NLGN1: variants seen among roughly 807,000 people sequenced by gnomAD.
The protein encoded by NLGN1 is neuroligin 1.
NLGN1 carries 12 observed loss-of-function variants against 65.5 expected under a neutral mutation model. The observed-to-expected ratio is 0.18, with a 90% CI of 0.12 to 0.30. The LOEUF is 0.30. Ranked by LOEUF, NLGN1 falls within the 10% of genes least tolerant of loss-of-function variation. NLGN1 has a pLI of 1.00. For missense variants in NLGN1, 750 were observed against 1,007.1 expected (o/e 0.74, Z 3.46); for synonymous variants, 350 against 359.5 (o/e 0.97, Z 0.30).
intron 4 of NLGN1, among the ~76,000 whole-genome samples, chr3:174,251,322 C>A (rs569912592): frequency 4.8e-4 from 73 of 152,288 alleles, no homozygotes; most frequent in African/African-American, 1.6e-3. Context: ...AGCCTGTTTA[C>A]GTTCAAATCT....
At chr3:174,289,957 A>ATATATATATGTATGTATATATATGTG (rs1340096614), downstream of NLGN1, among the ~76,000 whole-genome samples, 432 of 41,544 alleles carry the variant, frequency 0.01, 5 homozygotes, top group African/African-American at 0.056. Flanking sequence ...ATATATGTGT[A>ATATATATATGTATGTATATATATGTG]TATATATATA....
chr3:173,905,079 C>T (rs1738119992), intron 4 of NLGN1, among the ~76,000 whole-genome samples: 1 of 152,120 alleles, frequency 6.6e-6, no homozygotes, highest in Admixed American at 6.6e-5. Flanking sequence ...ATTCTGGCTA[C>T]CCGCCTGATG....
intron 4 of NLGN1, among the ~76,000 whole-genome samples, chr3:173,895,119 G>C (rs1736115756): frequency 6.6e-6 from 1 of 152,046 alleles, no homozygotes; most frequent in South Asian, 2.1e-4. Context: ...TCTTGTAGTT[G>C]TACTACTGAG....
chr3:173,878,519 C>A (rs984859480), intron 4 of NLGN1, among the ~76,000 whole-genome samples: 2 of 151,646 alleles, frequency 1.3e-5, no homozygotes, highest in African/African-American at 4.8e-5. Context: ...GCTCGATTAT[C>A]TCAGAAAAAA....
intron 2 of NLGN1, among the ~76,000 whole-genome samples, chr3:173,578,289 A>G (rs533304447): frequency 6.6e-6 from 1 of 152,220 alleles, no homozygotes; most frequent in East Asian, 1.9e-4. Context: ...TTTATTTAAT[A>G]TTTTGGAAAT....
intron 4 of NLGN1, among the ~76,000 whole-genome samples, chr3:173,948,556 A>G (rs2152324212): frequency 6.6e-6 from 1 of 152,336 alleles, no homozygotes; most frequent in African/African-American, 2.4e-5. Flanking sequence ...TAGAAGTTTT[A>G]GGAGAAAGAT....
At chr3:173,798,340 T>G (rs1013817015) in intron 3 of NLGN1, among the ~76,000 whole-genome samples, 1 of 152,226 alleles carries the variant, frequency 6.6e-6, no homozygotes, top group East Asian at 1.9e-4. Flanking sequence ...AAATGTATAT[T>G]TTTTTGCAGT....
chr3:174,204,473 C>T (rs1375813178), intron 4 of NLGN1, among the ~76,000 whole-genome samples: 2 of 152,168 alleles, frequency 1.3e-5, no homozygotes, highest in Non-Finnish European at 2.9e-5. Context: ...AATGCATCCA[C>T]GGATGTTAAC....
intron 3 of NLGN1, among the ~76,000 whole-genome samples, chr3:173,753,101 A>G (rs1776540109): frequency 6.6e-6 from 1 of 152,106 alleles, no homozygotes. Context: ...TTTCGTCAGC[A>G]TGTGAACATG....
At chr3:174,229,418 C>A (rs1420813583) in intron 4 of NLGN1, among the ~76,000 whole-genome samples, 1 of 152,072 alleles carries the variant, frequency 6.6e-6, no homozygotes, top group East Asian at 1.9e-4. Context: ...CTTTCCGCAT[C>A]TCCATAAACA....
chr3:173,973,952 T>G (rs1295360422), intron 4 of NLGN1, among the ~76,000 whole-genome samples: 1 of 152,040 alleles, frequency 6.6e-6, no homozygotes, highest in Non-Finnish European at 1.5e-5. Context: ...CTATTCTAAT[T>G]GCTTTGATGC....
intron 2 of NLGN1, among the ~76,000 whole-genome samples, chr3:173,551,277 C>G (rs1412306459): frequency 6.6e-6 from 1 of 152,070 alleles, no homozygotes; most frequent in African/African-American, 2.4e-5. Context: ...TAAAGGTCAT[C>G]ATATTTTAGA....
chr3:173,923,751 T>C (rs1742495839), intron 4 of NLGN1, among the ~76,000 whole-genome samples: 1 of 152,160 alleles, frequency 6.6e-6, no homozygotes, highest in Admixed American at 6.6e-5. Flanking sequence ...AAAGAATGGC[T>C]GAGTAAAAAC....
intron 4 of NLGN1, among the ~76,000 whole-genome samples, chr3:173,913,587 C>T (rs912365103): frequency 2.0e-5 from 3 of 152,148 alleles, no homozygotes; most frequent in African/African-American, 7.2e-5. Context: ...TGAATGCTGA[C>T]ATGCTTTCCT....
chr3:174,279,517 G>A lies in NLGN1; in HGVS notation c.1516G>A (p.Gly506Arg). The change falls in exon 6 of 7, where the codon GGA (glycine) becomes AGA (arginine). Residue 506 changes from glycine (G) to arginine (R), a missense_variant. Transcript: ENST00000457714. The surrounding 1 kb of genome is among the most constrained non-coding windows in gnomAD (Gnocchi z 4.7). ...TCCAGCTTGGGCTGATGCAGCCCACGGAGACGAGGTTCCCTATGTACTGGG... is the reference window on the plus strand; with the variant it reads ...TCCAGCTTGGGCTGATGCAGCCCACAGAGACGAGGTTCCCTATGTACTGGG... 2 of 1,613,086 alleles carry A rather than the reference G, an allele frequency of 1.2e-6. No individual in the cohort carries two copies. Among genetic ancestry groups the A allele is most frequent in the Non-Finnish European group, 1.7e-6 (2 of 1,179,514 alleles).
intron 4 of NLGN1, among the ~76,000 whole-genome samples, chr3:173,880,157 T>C (rs911997681): frequency 9.2e-4 from 140 of 152,276 alleles, no homozygotes; most frequent in African/African-American, 3.2e-3. Flanking sequence ...TAAAGTGAGC[T>C]ACAGAAGTTT....
intron 4 of NLGN1, among the ~76,000 whole-genome samples, chr3:174,101,998 G>C (rs1315047188): frequency 2.6e-5 from 4 of 152,166 alleles, no homozygotes; most frequent in Admixed American, 2.6e-4. Flanking sequence ...TAGTACTTCA[G>C]ACAGAGGGCA....
chr3:173,931,912 G>A (rs2152287483), intron 4 of NLGN1, among the ~76,000 whole-genome samples: 1 of 152,236 alleles, frequency 6.6e-6, no homozygotes, highest in East Asian at 1.9e-4. Context: ...GGAAGGTACA[G>A]CCAAAATAAT....
chr3:173,762,241 C>T (rs1336538897), intron 3 of NLGN1, among the ~76,000 whole-genome samples: 2 of 152,016 alleles, frequency 1.3e-5, no homozygotes, highest in African/African-American at 4.8e-5. Flanking sequence ...CTCATGTTCT[C>T]CGATATGCAA....
Sources: gnomAD v4.1 joint callset for allele counts (sites outside exome capture counted in the v4.1 genomes callset) on GRCh38, gnomAD v4.1.1 for gene constraint, Gnocchi (gnomAD v3.1) non-coding constraint, MANE v1.5 for transcripts, NCBI Gene and HGNC (gene_info 2026-07-23, HGNC 2026-07-21) for gene names.